The following DLC1 variants were observed in gnomAD, a reference collection of about 807,000 sequenced individuals.
The protein encoded by DLC1 is rho GTPase-activating protein 7.
A neutral mutation model predicts 140.3 loss-of-function variants in DLC1; 54 were observed. The observed-to-expected ratio is 0.38, with a 90% CI of 0.31 to 0.48. The LOEUF (loss-of-function observed/expected upper bound fraction) is 0.48. DLC1 is among the 20% of genes least tolerant of loss of function. The pLI, the probability that DLC1 is intolerant of heterozygous loss-of-function variation, is 0.96. For synonymous variants in DLC1, 986 were observed against 728.1 expected, an observed-to-expected ratio of 1.35 and a Z score of -5.70; for missense variants, 2,536 against 1,907.0, an observed-to-expected ratio of 1.33 and a Z score of -6.14.
At chr8:13,515,539 C>G (rs994168196), upstream of DLC1, 1 of 152,200 alleles carries the variant, frequency 6.6e-6, no homozygotes, top group East Asian at 1.9e-4. Flanking sequence ...TAGAGTCTTG[C>G]TGACATTAAA....
At chr8:13,130,717 C>T (rs540053218) in intron 5 of DLC1, among the ~76,000 whole-genome samples, 1 of 152,308 alleles carries the variant, frequency 6.6e-6, no homozygotes, top group African/African-American at 2.4e-5. Context: ...ACATAAGTCA[C>T]CAAAACCACT....
At chr8:13,534,555 C>T (rs1363572059) in intron 1 of DLC1, among the ~76,000 whole-genome samples, 4 of 152,112 alleles carry the variant, frequency 2.6e-5, no homozygotes, top group Non-Finnish European at 5.9e-5. Context: ...TTCTTCTCTG[C>T]TTCATAAGAA....
chr8:13,437,843 C>G (rs990772582), intron 2 of DLC1, among the ~76,000 whole-genome samples: 1 of 152,070 alleles, frequency 6.6e-6, no homozygotes, highest in African/African-American at 2.4e-5. Flanking sequence ...TGCTTGAGAT[C>G]TCTAAAGGCC....
intron 1 of DLC1, among the ~76,000 whole-genome samples, chr8:13,571,540 C>T (rs567126366): frequency 1.3e-5 from 2 of 152,310 alleles, no homozygotes; most frequent in South Asian, 2.1e-4. Flanking sequence ...ATTTTTATAG[C>T]TGAGTAATAT....
chr8:13,321,012 A>G (rs557153607), intron 4 of DLC1, among the ~76,000 whole-genome samples: 12 of 152,284 alleles, frequency 7.9e-5, no homozygotes, highest in East Asian at 7.7e-4. Context: ...TGCCAGCACC[A>G]TGCTTCTTGT....
chr8:13,152,587 T>G (rs1460043874), intron 5 of DLC1, among the ~76,000 whole-genome samples: 1 of 152,072 alleles, frequency 6.6e-6, no homozygotes, highest in African/African-American at 2.4e-5. Flanking sequence ...ATTTTCTTTA[T>G]GCTTAACAAA....
intron 2 of DLC1, among the ~76,000 whole-genome samples, chr8:13,413,451 A>G (rs1837895959): frequency 6.6e-6 from 1 of 151,154 alleles, no homozygotes; most frequent in Non-Finnish European, 1.5e-5. Context: ...GAGCACACAT[A>G]CAGACACATC....
At chr8:13,398,861 G>A (rs989079023) in intron 3 of DLC1, among the ~76,000 whole-genome samples, 2 of 152,126 alleles carry the variant, frequency 1.3e-5, no homozygotes, top group African/African-American at 2.4e-5. Flanking sequence ...AAGCAAAGAG[G>A]CACCTATAGC....
intron 5 of DLC1, among the ~76,000 whole-genome samples, chr8:13,160,596 C>G (rs150101798): frequency 1.6e-4 from 25 of 152,336 alleles, no homozygotes; most frequent in African/African-American, 5.3e-4. Flanking sequence ...CTTTTCCTCT[C>G]TCTCTCTTAC....
chr8:13,356,041 G>A (rs187359454), intron 4 of DLC1, among the ~76,000 whole-genome samples: 7 of 123,618 alleles, frequency 5.7e-5, no homozygotes, highest in African/African-American at 1.9e-4. Flanking sequence ...AGTGAGCCGG[G>A]ATCGCGCCAC....
intron 5 of DLC1, among the ~76,000 whole-genome samples, chr8:13,270,422 C>A (rs1830883356): frequency 6.6e-6 from 1 of 152,194 alleles, no homozygotes; most frequent in African/African-American, 2.4e-5. Context: ...CATACCACAG[C>A]TGAGCCACGT....
At chr8:13,448,801 A>G (rs1317505438) in intron 2 of DLC1, among the ~76,000 whole-genome samples, 1 of 152,224 alleles carries the variant, frequency 6.6e-6, no homozygotes, top group East Asian at 1.9e-4. Context: ...TGCACAGATT[A>G]GGTCATTTCT....
chr8:13,370,265 A>G (rs1429664982), intron 4 of DLC1, among the ~76,000 whole-genome samples: 1 of 152,146 alleles, frequency 6.6e-6, no homozygotes, highest in Non-Finnish European at 1.5e-5. Context: ...ATAAGCTCTA[A>G]CAAAACAGGG....
chr8:13,502,468 C>G (rs1585214084), intron 1 of DLC1, among the ~76,000 whole-genome samples: 1 of 152,114 alleles, frequency 6.6e-6, no homozygotes, highest in East Asian at 1.9e-4. Flanking sequence ...AAATGAATGT[C>G]TGCAAGCTCT....
At chr8:13,185,122 C>CTT (rs1193667992) in intron 5 of DLC1, among the ~76,000 whole-genome samples, 1,486 of 84,386 alleles carry the variant, frequency 0.018, 43 homozygotes, top group African/African-American at 0.05. Context: ...GCAACCCCTG[C>CTT]TTTTTTTTTT....
intron 1 of DLC1, among the ~76,000 whole-genome samples, chr8:13,542,985 C>A (rs546924617): frequency 2.0e-5 from 3 of 152,040 alleles, no homozygotes; most frequent in South Asian, 4.2e-4. Context: ...GATTTGTCTT[C>A]TTTTTATCAC....
chr8:13,567,503 A>G, intron 1 of DLC1: 1 of 1,552,066 alleles, frequency 6.4e-7, no homozygotes, highest in Non-Finnish European at 8.7e-7. Context: ...GTACCCGATG[A>G]ACTTTTGAAC....
chr8:13,543,837 C>A lies in DLC1; in HGVS notation c.-125-43641G>T, dbSNP rs1373429245. 2.0e-5 allele frequency among the ~76,000 whole-genome samples: 3 copies of A among 151,878 alleles called. No individual in the cohort carries two copies. The East Asian group carries it at 5.8e-4, about 29-fold the overall frequency. Reference sequence around the variant, plus strand: ...AGTGGTATAATGGACTTTGGAGACTCAGAAGAGGGGAGGGCGAGTGGGAAG... The same window carrying A: ...AGTGGTATAATGGACTTTGGAGACTAAGAAGAGGGGAGGGCGAGTGGGAAG... On this transcript the variant is annotated intron_variant, in intron 1 of 1. Coordinates refer to the DLC1 transcript ENST00000631382.
chr8:13,274,519 A>C (rs191442392), intron 5 of DLC1, among the ~76,000 whole-genome samples: 1 of 152,234 alleles, frequency 6.6e-6, no homozygotes, highest in African/African-American at 2.4e-5. Context: ...TTCATCACAC[A>C]TAAAAATTAA....
Sources: allele counts gnomAD v4.1 joint callset (sites outside exome capture counted in the v4.1 genomes callset), GRCh38; gene constraint gnomAD v4.1.1; transcripts MANE v1.5; gene names NCBI Gene and HGNC (gene_info 2026-07-23, HGNC 2026-07-21).